Variants in MEGF9 observed in about 807,000 individuals in gnomAD.
The protein encoded by MEGF9 is multiple epidermal growth factor-like domains protein 9.
Under a neutral mutation model 46.8 loss-of-function variants are expected in MEGF9, and 6 were observed. The observed-to-expected ratio is 0.13, with a 90% CI of 0.07 to 0.25. MEGF9 has a LOEUF of 0.25. Ranked by LOEUF, MEGF9 falls within the 10% of genes least tolerant of loss-of-function variation. The pLI, the probability that MEGF9 is intolerant of heterozygous loss-of-function variation, is 1.00. For missense variants in MEGF9, 683 were observed against 792.4 expected, an observed-to-expected ratio of 0.86 and a Z score of 1.66; for synonymous variants, 302 against 330.7, an observed-to-expected ratio of 0.91 and a Z score of 0.94.
chr9:120,674,111 A>G (rs1185981795), intron 1 of MEGF9, among the ~76,000 whole-genome samples: 2 of 151,390 alleles, frequency 1.3e-5, no homozygotes, highest in African/African-American at 4.9e-5. Context: ...ATAAAACACC[A>G]AAAGTAAAAT....
At chr9:120,641,649 A>AT (rs779102530) in intron 2 of MEGF9, among the ~76,000 whole-genome samples, 2 of 152,262 alleles carry the variant, frequency 1.3e-5, no homozygotes, top group East Asian at 3.9e-4. Context: ...GGGCCTAGGA[A>AT]TTTGCATTTC....
At position 120,657,631 on chromosome 9, in the gene MEGF9, C is replaced by T. The variant is rs1008800278; in HGVS notation, c.803+1743G>A. ...CTTAACAATGGCTTATCTTTTAAAA[C>T]GGTAAGCAATGTGAAACTTCTGAAT... On this transcript the variant is annotated intron_variant, in intron 2 of 5. Coordinates refer to ENST00000373930, the MANE Select transcript of MEGF9 (RefSeq NM_001080497.3). Among the ~76,000 whole-genome samples, 309 of 152,252 alleles carry T rather than the reference C, an allele frequency of 2.0e-3. 8 individuals carry two copies. Among genetic ancestry groups the T allele is most frequent in the Non-Finnish European group, 3.4e-4 (23 of 68,016 alleles).
chr9:120,635,511 TTCTC>T (rs1035062917), intron 2 of MEGF9, among the ~76,000 whole-genome samples: 5 of 152,298 alleles, frequency 3.3e-5, no homozygotes, highest in Non-Finnish European at 7.4e-5. Context: ...TCATTCATAT[TTCTC>T]TCTCTTTTTT....
intron 2 of MEGF9, among the ~76,000 whole-genome samples, chr9:120,637,790 C>CAAAAAAAAAAAAAAA (rs34861368): frequency 2.9e-5 from 1 of 34,776 alleles, no homozygotes; most frequent in African/African-American, 1.1e-4. Flanking sequence ...GACTCTGTCT[C>CAAAAAAAAAAAAAAA]AAAAAAAAAA....
At chr9:120,621,673 C>G (rs77099548) in intron 3 of MEGF9, among the ~76,000 whole-genome samples, 6,216 of 151,890 alleles carry the variant, frequency 0.041, 417 homozygotes, top group African/African-American at 0.14. Flanking sequence ...CATTTTTTTT[C>G]TCTTTGGTAT....
At chr9:120,616,054 A>G (rs1275801011) in intron 3 of MEGF9, among the ~76,000 whole-genome samples, 1 of 152,192 alleles carries the variant, frequency 6.6e-6, no homozygotes, top group Non-Finnish European at 1.5e-5. Context: ...CAAAGTGTTA[A>G]CAACAGTCGT....
chr9:120,693,480 A>G (rs147943512), intron 1 of MEGF9, among the ~76,000 whole-genome samples: 22 of 152,354 alleles, frequency 1.4e-4, no homozygotes, highest in African/African-American at 4.8e-4. Flanking sequence ...ATCATCAACT[A>G]AAAGAAGTAT....
intron 1 of MEGF9, among the ~76,000 whole-genome samples, chr9:120,665,612 C>T (rs2043721552): frequency 6.6e-6 from 1 of 152,142 alleles, no homozygotes; most frequent in Non-Finnish European, 1.5e-5. Context: ...ACATAACCTC[C>T]AGCTTCATCC....
At chr9:120,662,331 C>T (rs2043706253) in intron 1 of MEGF9, among the ~76,000 whole-genome samples, 1 of 152,184 alleles carries the variant, frequency 6.6e-6, no homozygotes, top group South Asian at 2.1e-4. Flanking sequence ...TGCTCTTTTT[C>T]ACATATTCAA....
rs1283132647 is a variant in MEGF9 at position 120,621,174 on chromosome 9, G to A, written c.943+1442C>T. ...GTTTTCTTTGTTTTATATTGCTTAG[G>A]GTTTGCTGAACTTTCTGAATCTGTC... On this transcript the variant is annotated intron_variant, in intron 3 of 5. Coordinates refer to ENST00000373930, the MANE Select transcript of MEGF9 (RefSeq NM_001080497.3). Among the ~76,000 whole-genome samples, 4 of 152,202 alleles carry A rather than the reference G, an allele frequency of 2.6e-5. No homozygotes were observed. In the East Asian group the frequency reaches 7.7e-4, roughly 29 times the overall value.
chr9:120,688,373 G>C (rs764498238), intron 1 of MEGF9, among the ~76,000 whole-genome samples: 2 of 152,130 alleles, frequency 1.3e-5, no homozygotes, highest in Non-Finnish European at 2.9e-5. Context: ...AGTGCTAACA[G>C]CAGGGCTGTA....
In MEGF9 at chr9:120,605,368, C is replaced by T. The variant is rs185776336; in HGVS notation, c.1631G>A (p.Arg544Gln). The T allele has an allele frequency of 1.2e-4, 188 of 1,613,924 alleles. No individual in the cohort carries two copies. Among genetic ancestry groups the T allele is most frequent in the Non-Finnish European group, 1.5e-4 (176 of 1,179,888 alleles). The change falls in exon 6 of 6, where the codon CGG becomes CAG. Residue 544 changes from arginine to glutamine, a missense_variant. This residue lies in a region of MEGF9 where 313 missense variants were observed against 421.1 expected (regional missense o/e 0.74). Coordinates refer to ENST00000373930, the MANE Select transcript of MEGF9 (RefSeq NM_001080497.3). This position sits in a 1 kb window ranked among gnomAD's most constrained non-coding sequence, Gnocchi z 4.0. ...GGTCCAAAAGGGGGCATTGAGTTTCCGGTTTTGGTACTCGCGGTACATATA... is the reference window on the plus strand; with the variant it reads ...GGTCCAAAAGGGGGCATTGAGTTTCTGGTTTTGGTACTCGCGGTACATATA... ...AVYMYREYQN[R>Q]KLNAPFWTIE...
At chr9:120,636,329 ACT>A (rs1479257195) in intron 2 of MEGF9, among the ~76,000 whole-genome samples, 2 of 151,962 alleles carry the variant, frequency 1.3e-5, no homozygotes, top group Non-Finnish European at 2.9e-5. Context: ...GGTGGTGGTG[ACT>A]CTGTTTCCAA....
rs774708360 is a variant in MEGF9, at chr9:120,605,302, T to C, written c.1697A>G (p.His566Arg). Residue 566 changes from histidine to arginine, a missense_variant, in exon 6 of 6, where the codon CAT (histidine) becomes CGT (arginine). This residue lies in a region of MEGF9 where 313 missense variants were observed against 421.1 expected (regional missense o/e 0.74). Transcript: ENST00000373930. The surrounding 1 kb of genome is among the most constrained non-coding windows in gnomAD (Gnocchi z 4.0). The stretch of plus-strand genomic sequence containing the variant: ...AACATCTGCATTGGGAATGCTGTCA[T>C]GGTAGCTGCTGAAACTGATATTGTC... ...KEDNISFSSY[H>R]DSIPNADVSG... 1.2e-6 allele frequency: 2 copies of C among 1,614,020 alleles called. No homozygotes were observed. Among genetic ancestry groups the C allele is most frequent in the South Asian group, 2.2e-5 (2 of 91,082 alleles).
chr9:120,615,405 A>C (rs2043467916), intron 3 of MEGF9, among the ~76,000 whole-genome samples: 1 of 151,134 alleles, frequency 6.6e-6, no homozygotes, highest in Admixed American at 6.6e-5. Flanking sequence ...TCTAAATAAG[A>C]CTCCACATGT....
intron 2 of MEGF9, among the ~76,000 whole-genome samples, chr9:120,641,683 A>T (rs1477239901): frequency 1.3e-5 from 2 of 152,188 alleles, no homozygotes; most frequent in South Asian, 4.1e-4. Context: ...GGTTAAACTG[A>T]TATTGCTGGT....
At chr9:120,711,844 T>TACATACACAC (rs1483546554) in intron 1 of MEGF9, among the ~76,000 whole-genome samples, 75 of 143,570 alleles carry the variant, frequency 5.2e-4, no homozygotes, top group African/African-American at 1.9e-3. Context: ...CATACATACA[T>TACATACACAC]ACACACACAC....
At chr9:120,669,865 T>C (rs756005638) in intron 1 of MEGF9, among the ~76,000 whole-genome samples, 9 of 152,170 alleles carry the variant, frequency 5.9e-5, no homozygotes, top group Non-Finnish European at 1.2e-4. Flanking sequence ...AAACGAGATA[T>C]GACAATAAAT....
intron 2 of MEGF9, among the ~76,000 whole-genome samples, chr9:120,655,238 T>A (rs1332564089): frequency 6.6e-6 from 1 of 152,210 alleles, no homozygotes; most frequent in African/African-American, 2.4e-5. Context: ...CCATTCATAG[T>A]AAGTACCCTA....
Sources: allele counts gnomAD v4.1 joint callset (sites outside exome capture counted in the v4.1 genomes callset), GRCh38; gene constraint gnomAD v4.1.1; regional missense constraint gnomAD v4.1.1; non-coding constraint Gnocchi (gnomAD v3.1); transcripts MANE v1.5; gene names NCBI Gene and HGNC (gene_info 2026-07-23, HGNC 2026-07-21).